AP1G1: variants seen among roughly 807,000 people sequenced by gnomAD.
AP1G1 encodes adaptor related protein complex 1 subunit gamma 1, also known as AP-1 complex subunit gamma-1.
A neutral mutation model predicts 108.3 loss-of-function variants in AP1G1; 7 were observed. The observed-to-expected ratio is 0.06, with a 90% CI of 0.04 to 0.12. The LOEUF is 0.12. Ranked by LOEUF, AP1G1 falls within the 10% of genes least tolerant of loss-of-function variation. The pLI, the probability that AP1G1 is intolerant of heterozygous loss-of-function variation, is 1.00. For missense variants in AP1G1, 756 were observed against 1,010.7 expected, an observed-to-expected ratio of 0.75 and a Z score of 3.42; for synonymous variants, 379 against 353.5, an observed-to-expected ratio of 1.07 and a Z score of -0.81.
At chr16:71,766,475 A>T (rs181514625) in intron 6 of AP1G1, 1 of 463,484 alleles carries the variant, frequency 2.2e-6, no homozygotes, top group South Asian at 1.6e-5. Context: ...ATATTAAAAC[A>T]AAAGGTTTGC....
At chr16:71,736,282 G>A (rs142469422) in intron 21 of AP1G1, among the ~76,000 whole-genome samples, 78 of 149,102 alleles carry the variant, frequency 5.2e-4, no homozygotes, top group African/African-American at 1.9e-3. Context: ...TAGAAAACAT[G>A]CTGCCCACTG....
chr16:71,765,144 C>G (rs1426823320), intron 7 of AP1G1, among the ~76,000 whole-genome samples: 1 of 152,132 alleles, frequency 6.6e-6, no homozygotes, highest in African/African-American at 2.4e-5. Context: ...AGTTTGAGAC[C>G]AGCCTAGGCA....
chr16:71,803,145 T>G (rs1345300845), intron 1 of AP1G1, among the ~76,000 whole-genome samples: 1 of 150,914 alleles, frequency 6.6e-6, no homozygotes, highest in Admixed American at 6.6e-5. Flanking sequence ...ACCCAGGAGG[T>G]AGAGGCTGTA....
At chr16:71,808,148 G>A (rs2033061041) in intron 1 of AP1G1, 13 of 1,147,830 alleles carry the variant, frequency 1.1e-5, no homozygotes, top group African/African-American at 3.2e-5. Flanking sequence ...GCAGGGCCAG[G>A]AGCTGAGAAA....
intron 9 of AP1G1, 48 bp downstream of exon 9, chr16:71,764,302 T>C (rs1022681979): frequency 2.0e-5 from 23 of 1,176,074 alleles, no homozygotes; most frequent in Non-Finnish European, 2.8e-5. Context: ...AGTCAACCAT[T>C]CTAAGTGAAA....
Position 71,773,210 on chromosome 16 carries a change from T to C in AP1G1, c.468+11A>G, listed in dbSNP as rs954014445. On this transcript the variant is annotated intron_variant, in intron 4 of 22. Transcript: ENST00000299980. ...CTAATCCAAACAGACATTTGGTTCA[T>C]TAAAAGTTACCTTTTTTCTTAAGTA... 14 of 1,612,512 alleles carry C rather than the reference T, an allele frequency of 8.7e-6. No homozygotes were observed. Among genetic ancestry groups the C allele is most frequent in the Non-Finnish European group, 1.2e-5 (14 of 1,179,932 alleles).
chr16:71,760,469 C>T (rs1171986205), intron 10 of AP1G1, among the ~76,000 whole-genome samples: 4 of 148,842 alleles, frequency 2.7e-5, no homozygotes, highest in Non-Finnish European at 4.4e-5. Flanking sequence ...CGCTTGAACT[C>T]GGGAGGCGGA....
chr16:71,767,034 A>G (rs1166654270), intron 6 of AP1G1, among the ~76,000 whole-genome samples: 1 of 152,212 alleles, frequency 6.6e-6, no homozygotes, highest in East Asian at 1.9e-4. Flanking sequence ...TACCAACCTT[A>G]TCTTACATAC....
intron 1 of AP1G1, among the ~76,000 whole-genome samples, chr16:71,800,225 G>C (rs1597091847): frequency 2.8e-5 from 1 of 36,316 alleles, no homozygotes; most frequent in East Asian, 3.4e-4. Flanking sequence ...AAAAAAATTA[G>C]CCGGGTGTGG....
At chr16:71,805,186 G>A (rs1043841113) in intron 1 of AP1G1, among the ~76,000 whole-genome samples, 8 of 152,064 alleles carry the variant, frequency 5.3e-5, no homozygotes, top group Non-Finnish European at 1.0e-4. Context: ...GGCTCCTCCT[G>A]CCTGTAATCC....
intron 1 of AP1G1, among the ~76,000 whole-genome samples, chr16:71,804,838 G>A (rs112889646): frequency 8.6e-5 from 13 of 152,006 alleles, no homozygotes; most frequent in African/African-American, 1.9e-4. Flanking sequence ...GCAACATGGC[G>A]AATCCCCGTC....
intron 21 of AP1G1, 105 bp from the exon 22 acceptor site, chr16:71,734,812 T>G (rs550113622): frequency 3.4e-6 from 3 of 869,578 alleles, no homozygotes; most frequent in Non-Finnish European, 5.7e-6. Flanking sequence ...AGCAACAGAT[T>G]TCACTACTAC....
chr16:71,747,238 T>C (rs1034600930), intron 16 of AP1G1: 2 of 152,218 alleles, frequency 1.3e-5, no homozygotes, highest in Non-Finnish European at 2.9e-5. Context: ...GAAAGTGACC[T>C]GAGAATCTAC....
At chr16:71,746,540 A>G in intron 17 of AP1G1, 48 bp downstream of exon 17, 2 of 1,146,658 alleles carry the variant, frequency 1.7e-6, no homozygotes, top group Non-Finnish European at 1.3e-6. Context: ...ATGACAATTT[A>G]GTCAGGATGC....
At chr16:71,781,955 G>A (rs890252008) in intron 2 of AP1G1, among the ~76,000 whole-genome samples, 11 of 152,170 alleles carry the variant, frequency 7.2e-5, no homozygotes, top group Admixed American at 2.0e-4. Context: ...TTCACCAGGA[G>A]GCGTATAATT....
At position 71,805,340 on chromosome 16, in the gene AP1G1, C is replaced by T. The variant is rs551010751; in HGVS notation, c.-4+3423G>A. Among the ~76,000 whole-genome samples, 8 of 151,698 alleles carry T rather than the reference C, an allele frequency of 5.3e-5. No homozygotes were observed. The South Asian group carries it at 6.3e-4, about 12-fold the overall frequency. The stretch of plus-strand genomic sequence containing the variant: ...GCGCACGCTTGTAATCCCAGCTACT[C>T]GGGAGGCTGAGGCAGCAGAAATCAC... On this transcript the variant is annotated intron_variant, in intron 1 of 22. Coordinates refer to ENST00000299980, the MANE Select transcript of AP1G1 (RefSeq NM_001128.6).
chr16:71,734,595 A>T lies in AP1G1; in HGVS notation c.2367+14T>A. On this transcript the variant is annotated intron_variant, in intron 22 of 22. Coordinates refer to ENST00000299980, the MANE Select transcript of AP1G1 (RefSeq NM_001128.6). ...CACTTCGGCTCAGATATTGGCTACA[A>T]ATGTGCTACTCACCTTCTGAGGGTT... is the stretch of plus-strand genomic sequence containing the variant. 1 of 1,588,594 alleles carries T rather than the reference A, an allele frequency of 6.3e-7. No homozygotes were observed. Among genetic ancestry groups the T allele is most frequent in the Non-Finnish European group, 8.6e-7 (1 of 1,156,920 alleles).
intron 2 of AP1G1, among the ~76,000 whole-genome samples, chr16:71,789,070 G>A (rs1405089396): frequency 6.6e-6 from 1 of 152,128 alleles, no homozygotes; most frequent in Non-Finnish European, 1.5e-5. Context: ...TCTCTCATCC[G>A]TATAATGAGA....
intron 1 of AP1G1, among the ~76,000 whole-genome samples, chr16:71,791,510 C>T (rs1214764645): frequency 6.6e-6 from 1 of 151,910 alleles, no homozygotes; most frequent in Non-Finnish European, 1.5e-5. Flanking sequence ...TAGGGAAACG[C>T]TGTCTCTACA....
Sources: gnomAD v4.1 joint callset for allele counts (sites outside exome capture counted in the v4.1 genomes callset) on GRCh38, gnomAD v4.1.1 for gene constraint, MANE v1.5 for transcripts, NCBI Gene and HGNC (gene_info 2026-07-23, HGNC 2026-07-21) for gene names.